TXNDC8: variants seen among roughly 807,000 people sequenced by gnomAD.
The protein encoded by TXNDC8 is thioredoxin domain containing 8.
Under a neutral mutation model 12.9 loss-of-function variants are expected in TXNDC8, and 15 were observed. That is an observed-to-expected ratio of 1.16 (90% CI 0.78 to 1.79). The LOEUF is 1.79. Among genes scored for constraint, TXNDC8 ranks in the 40% most tolerant of loss-of-function variants. The pLI is 0.00. For missense variants in TXNDC8, 128 were observed against 113.2 expected, an observed-to-expected ratio of 1.13 and a Z score of -0.59; for synonymous variants, 40 against 35.4, an observed-to-expected ratio of 1.13 and a Z score of -0.46.
intron 2 of TXNDC8, among the ~76,000 whole-genome samples, chr9:110,326,752 A>C (rs564207119): frequency 6.6e-6 from 1 of 152,202 alleles, no homozygotes; most frequent in Admixed American, 6.5e-5. Context: ...TGGAGCCAAA[A>C]TATGAGAAAA....
chr9:110,329,928 G>A (rs1451732199), intron 2 of TXNDC8, among the ~76,000 whole-genome samples: 1 of 152,182 alleles, frequency 6.6e-6, no homozygotes, highest in Non-Finnish European at 1.5e-5. Flanking sequence ...AATGGAAGGG[G>A]AGGAGGGAAG....
intron 3 of TXNDC8, among the ~76,000 whole-genome samples, chr9:110,313,255 A>C (rs1162348312): frequency 6.6e-6 from 1 of 152,010 alleles, no homozygotes; most frequent in African/African-American, 2.4e-5. Flanking sequence ...CTTTTCCCCC[A>C]ATTTTTCCTA....
intron 3 of TXNDC8, among the ~76,000 whole-genome samples, chr9:110,306,607 C>A (rs781067354): frequency 6.6e-6 from 1 of 152,172 alleles, no homozygotes; most frequent in South Asian, 2.1e-4. Flanking sequence ...TTAATAAGTG[C>A]CTACTATGAG....
intron 1 of TXNDC8, among the ~76,000 whole-genome samples, chr9:110,336,653 A>C (rs1434613421): frequency 1.3e-5 from 2 of 152,224 alleles, no homozygotes; most frequent in Non-Finnish European, 2.9e-5. Flanking sequence ...AAAACAAAAC[A>C]AAAACTAGGC....
intron 2 of TXNDC8, among the ~76,000 whole-genome samples, chr9:110,329,855 T>G (rs1350723867): frequency 6.6e-6 from 1 of 152,190 alleles, no homozygotes; most frequent in Non-Finnish European, 1.5e-5. Context: ...GAAACTAGAT[T>G]TTCCAGGTTC....
chr9:110,324,082 T>G, intron 3 of TXNDC8: 1 of 1,464,362 alleles, frequency 6.8e-7, no homozygotes, highest in Non-Finnish European at 9.1e-7. Context: ...AGAGAATGGA[T>G]GCTGGGTGCC....
chr9:110,323,980 G>A (rs1254082147), intron 3 of TXNDC8: 9 of 1,550,596 alleles, frequency 5.8e-6, no homozygotes, highest in South Asian at 2.4e-5. Context: ...TCACTGGTTG[G>A]TGTAGGCCTG....
At chr9:110,310,138 A>G (rs1184857220) in intron 3 of TXNDC8, among the ~76,000 whole-genome samples, 1 of 152,148 alleles carries the variant, frequency 6.6e-6, no homozygotes, top group Non-Finnish European at 1.5e-5. Flanking sequence ...CATTAAAGAA[A>G]AAAGAGTCCT....
chr9:110,331,143 G>C (rs1260116165), intron 2 of TXNDC8, among the ~76,000 whole-genome samples: 1 of 152,176 alleles, frequency 6.6e-6, no homozygotes, highest in Non-Finnish European at 1.5e-5. Context: ...TTACTAGTCA[G>C]ATGCATGCCA....
chr9:110,311,743 C>T (rs1446299846), intron 3 of TXNDC8, among the ~76,000 whole-genome samples: 2 of 135,764 alleles, frequency 1.5e-5, no homozygotes, highest in Non-Finnish European at 3.1e-5. Flanking sequence ...TATATATACA[C>T]TATATATGGA....
chr9:110,321,755 C>T (rs1478885732), intron 3 of TXNDC8, among the ~76,000 whole-genome samples: 2 of 149,634 alleles, frequency 1.3e-5, no homozygotes, highest in Non-Finnish European at 3.0e-5. Flanking sequence ...TTTATAGGAA[C>T]ATGTCTTTTT....
rs1468814050 is a variant in TXNDC8 at position 110,330,834 on chromosome 9, G to A, written c.129+3382C>T. Among the ~76,000 whole-genome samples the A allele has an allele frequency of 2.0e-5, 3 of 152,140 alleles. No homozygotes were observed. The East Asian group carries it at 5.8e-4, about 29-fold the overall frequency. ...TTCTATCTTGTCTTTTACAGGAAAA[G>A]TTTGTTGACCCCTGCTCTTGCATAA... On this transcript the variant is annotated intron_variant, in intron 2 of 4. Coordinates refer to ENST00000423740, the MANE Select transcript of TXNDC8 (RefSeq NM_001286946.2).
Position 110,329,144 on chromosome 9 carries a change from T to G in TXNDC8, c.130-2904A>C, listed in dbSNP as rs371434082. On this transcript the variant is annotated intron_variant, in intron 2 of 4. Transcript: ENST00000423740. ...AAAATTCTAGTTGATTTTAAATTGG[T>G]CATGTATTAATAATTACTGAGACAG... 8.4e-5 allele frequency: 93 copies of G among 1,101,398 alleles called. No individual in the cohort carries two copies. In the African/African-American group the frequency reaches 1.3e-3, roughly 15 times the overall value. The allele number at this position is 1,101,398 out of a possible 1,614,324, so 68.2% of individuals were successfully genotyped here. A position where few individuals can be genotyped will look rare whatever the true frequency, so the allele number is the denominator to read the frequency against.
At chr9:110,309,350 T>A (rs1414023617) in intron 3 of TXNDC8, among the ~76,000 whole-genome samples, 1 of 152,182 alleles carries the variant, frequency 6.6e-6, no homozygotes, top group Non-Finnish European at 1.5e-5. Flanking sequence ...TTATTTATTT[T>A]TTTGAGATAG....
chr9:110,324,768 C>T lies in TXNDC8; in HGVS notation c.195+1407G>A, dbSNP rs542682491. On this transcript the variant is annotated intron_variant, in intron 3 of 4. Coordinates refer to ENST00000423740, the MANE Select transcript of TXNDC8 (RefSeq NM_001286946.2). ...TGTCTCCTACATATGTTTGCAAAAT[C>T]GCCTTTCATAAGGTATGGAAAATTG... 5.3e-5 allele frequency among the ~76,000 whole-genome samples: 8 copies of T among 152,184 alleles called. No homozygotes were observed. The South Asian group carries it at 8.3e-4, about 16-fold the overall frequency.
At chr9:110,316,899 A>T (rs576533915) in intron 3 of TXNDC8, among the ~76,000 whole-genome samples, 112 of 152,324 alleles carry the variant, frequency 7.4e-4, no homozygotes, top group African/African-American at 2.5e-3. Context: ...TGTAATGCTA[A>T]AGCAGCTAGT....
At chr9:110,334,689 G>A (rs916183210) in intron 1 of TXNDC8, among the ~76,000 whole-genome samples, 1 of 152,216 alleles carries the variant, frequency 6.6e-6, no homozygotes, top group African/African-American at 2.4e-5. Context: ...GGTTGGTAAT[G>A]GAAGTTGATA....
At chr9:110,327,631 G>A (rs1839384470) in intron 2 of TXNDC8, among the ~76,000 whole-genome samples, 1 of 152,044 alleles carries the variant, frequency 6.6e-6, no homozygotes, top group Non-Finnish European at 1.5e-5. Flanking sequence ...CCAAAGTACT[G>A]ATACATTCTA....
chr9:110,301,667 C>T (rs1170986121), downstream of TXNDC8, among the ~76,000 whole-genome samples: 3 of 152,122 alleles, frequency 2.0e-5, no homozygotes. Flanking sequence ...GACTACTTTC[C>T]AGCACGAAGA....
Sources: gnomAD v4.1 joint callset for allele counts (sites outside exome capture counted in the v4.1 genomes callset) on GRCh38, gnomAD v4.1.1 for gene constraint, MANE v1.5 for transcripts, NCBI Gene and HGNC (gene_info 2026-07-23, HGNC 2026-07-21) for gene names.